The following MAGI2 variants were observed in gnomAD, a reference collection of about 807,000 sequenced individuals.
MAGI2 encodes membrane-associated guanylate kinase, WW and PDZ domain-containing protein 2.
In MAGI2, 35 loss-of-function variants were observed where a neutral mutation model predicts 133.3. The observed-to-expected ratio is 0.26, with a 90% CI of 0.20 to 0.35. MAGI2 has a LOEUF of 0.35. Ranked by LOEUF, MAGI2 falls within the 10% of genes least tolerant of loss-of-function variation. MAGI2 has a pLI of 1.00. For synonymous variants in MAGI2, 729 were observed against 710.6 expected, an observed-to-expected ratio of 1.03 and a Z score of -0.41; for missense variants, 1,636 against 1,863.4, an observed-to-expected ratio of 0.88 and a Z score of 2.25.
At chr7:78,204,849 T>C (rs915706487) in intron 10 of MAGI2, among the ~76,000 whole-genome samples, 2 of 152,220 alleles carry the variant, frequency 1.3e-5, no homozygotes, top group African/African-American at 4.8e-5. Flanking sequence ...GTAGCTAATA[T>C]AGAAACTAGA....
At chr7:78,741,844 T>C (rs1356842431) in intron 2 of MAGI2, among the ~76,000 whole-genome samples, 1 of 152,174 alleles carries the variant, frequency 6.6e-6, no homozygotes, top group Admixed American at 6.5e-5. Context: ...TAGATACCAA[T>C]GCACTTATAA....
chr7:78,655,440 C>CA (rs1200768376), intron 2 of MAGI2, among the ~76,000 whole-genome samples: 430 of 28,822 alleles, frequency 0.015, 1 homozygote, highest in Non-Finnish European at 0.023. Context: ...AAAAAACAAA[C>CA]AAAAAAAAAC....
intron 6 of MAGI2, among the ~76,000 whole-genome samples, chr7:78,476,974 T>C (rs1045034086): frequency 1.6e-4 from 25 of 151,932 alleles, no homozygotes; most frequent in African/African-American, 5.3e-4. Flanking sequence ...CAAAATTACA[T>C]GTACTGAGAG....
chr7:78,893,219 G>A (rs1162029223), intron 2 of MAGI2, among the ~76,000 whole-genome samples: 1 of 152,038 alleles, frequency 6.6e-6, no homozygotes, highest in Admixed American at 6.6e-5. Flanking sequence ...TCATTAAAAA[G>A]TCAGGAAACA....
chr7:79,173,674 C>T (rs1037797568), intron 1 of MAGI2, among the ~76,000 whole-genome samples: 3 of 151,990 alleles, frequency 2.0e-5, no homozygotes, highest in Non-Finnish European at 4.4e-5. Context: ...AATGATTACA[C>T]TAACCAACAA....
At chr7:78,181,911 G>A (rs1827222094) in intron 13 of MAGI2, among the ~76,000 whole-genome samples, 1 of 152,184 alleles carries the variant, frequency 6.6e-6, no homozygotes, top group South Asian at 2.1e-4. Context: ...AAGTAGCTCT[G>A]TGCACAGTTA....
chr7:78,315,823 T>G (rs899335340), intron 9 of MAGI2, among the ~76,000 whole-genome samples: 4 of 152,236 alleles, frequency 2.6e-5, no homozygotes, highest in Non-Finnish European at 5.9e-5. Context: ...CATTTGCAGG[T>G]GTATAAACAT....
chr7:79,015,455 A>G (rs1158397000), intron 1 of MAGI2, among the ~76,000 whole-genome samples: 1 of 152,198 alleles, frequency 6.6e-6, no homozygotes, highest in Non-Finnish European at 1.5e-5. Context: ...CACCTTGCCC[A>G]AATCAACAAA....
chr7:78,339,755 C>A (rs1452674604), intron 9 of MAGI2, among the ~76,000 whole-genome samples: 2 of 152,140 alleles, frequency 1.3e-5, no homozygotes, highest in African/African-American at 4.8e-5. Context: ...AAATGAATGG[C>A]AGAGTTGGAC....
At chr7:79,347,600 C>T (rs1841415745) in intron 1 of MAGI2, among the ~76,000 whole-genome samples, 1 of 151,818 alleles carries the variant, frequency 6.6e-6, no homozygotes, top group Non-Finnish European at 1.5e-5. Context: ...ATACTTCTTC[C>T]TTGAGCTCCG....
At chr7:79,201,049 C>A (rs1053251330) in intron 1 of MAGI2, among the ~76,000 whole-genome samples, 2 of 152,016 alleles carry the variant, frequency 1.3e-5, no homozygotes, top group South Asian at 4.1e-4. Flanking sequence ...ATAGTGCAAT[C>A]AACGTACTCC....
At chr7:78,447,929 C>T (rs1788324548) in intron 6 of MAGI2, among the ~76,000 whole-genome samples, 1 of 152,064 alleles carries the variant, frequency 6.6e-6, no homozygotes, top group Admixed American at 6.6e-5. Context: ...CTCTCTGCAC[C>T]CTTCCCAGGC....
At chr7:78,055,987 G>GT (rs1171557866) in intron 21 of MAGI2, among the ~76,000 whole-genome samples, 3 of 152,058 alleles carry the variant, frequency 2.0e-5, no homozygotes, top group Non-Finnish European at 2.9e-5. Context: ...TTAACCATTT[G>GT]TAAGTGTGCA....
At chr7:78,766,728 A>C (rs1448013017) in intron 2 of MAGI2, among the ~76,000 whole-genome samples, 3 of 152,224 alleles carry the variant, frequency 2.0e-5, no homozygotes, top group African/African-American at 7.2e-5. Context: ...ACACTTATTG[A>C]ATTTGATGTA....
chr7:78,820,306 A>C (rs1270363015), intron 2 of MAGI2, among the ~76,000 whole-genome samples: 1 of 151,958 alleles, frequency 6.6e-6, no homozygotes, highest in African/African-American at 2.4e-5. Flanking sequence ...ATAAATATAT[A>C]ATTATAATCA....
intron 14 of MAGI2, among the ~76,000 whole-genome samples, chr7:78,174,574 A>G (rs567029310): frequency 1.3e-5 from 2 of 152,346 alleles, no homozygotes; most frequent in South Asian, 4.1e-4. Flanking sequence ...GCCCAAAGTG[A>G]AGTCTGGCCA....
At chr7:78,725,261 TAGA>T (rs1462680966) in intron 2 of MAGI2, among the ~76,000 whole-genome samples, 6 of 152,222 alleles carry the variant, frequency 3.9e-5, no homozygotes, top group African/African-American at 1.4e-4. Flanking sequence ...GGTGAACTAA[TAGA>T]TCGAAAAATG....
chr7:78,085,273 A>G (rs1816492141), intron 20 of MAGI2, among the ~76,000 whole-genome samples: 1 of 152,172 alleles, frequency 6.6e-6, no homozygotes. Flanking sequence ...TCATGCCTAT[A>G]ATCTCAGTTC....
At chr7:78,477,025 C>T (rs1461381864) in intron 6 of MAGI2, among the ~76,000 whole-genome samples, 1 of 151,798 alleles carries the variant, frequency 6.6e-6, no homozygotes, top group East Asian at 1.9e-4. Context: ...AAATTAAACC[C>T]CTCTTCTTTT....
Sources: allele counts gnomAD v4.1 joint callset (sites outside exome capture counted in the v4.1 genomes callset), GRCh38; gene constraint gnomAD v4.1.1; transcripts MANE v1.5; gene names NCBI Gene and HGNC (gene_info 2026-07-23, HGNC 2026-07-21).